CSRNP2: variants seen among roughly 807,000 people sequenced by gnomAD.
CSRNP2 encodes cysteine and serine rich nuclear protein 2.
In CSRNP2, 11 loss-of-function variants were observed where a neutral mutation model predicts 36.6. The observed-to-expected ratio is 0.30, with a 90% CI of 0.19 to 0.50. The LOEUF (loss-of-function observed/expected upper bound fraction) is 0.50. Among genes scored for constraint, CSRNP2 ranks in the 20% least tolerant of loss-of-function variants. The probability of loss-of-function intolerance (pLI) is 0.98; values close to 1 mark genes in which losing one functional copy is unlikely to be tolerated. For missense variants in CSRNP2, 483 were observed against 691.4 expected, an observed-to-expected ratio of 0.70 and a Z score of 3.38; for synonymous variants, 248 against 275.3, an observed-to-expected ratio of 0.90 and a Z score of 0.98.
chr12:51,078,805 A>T (rs903523444), intron 1 of CSRNP2, among the ~76,000 whole-genome samples: 1 of 152,208 alleles, frequency 6.6e-6, no homozygotes, highest in Admixed American at 6.5e-5. Context: ...ATTGTGGAAG[A>T]CAGTGTGGCG....
chr12:51,065,169 TG>T (rs1239523084), intron 4 of CSRNP2, among the ~76,000 whole-genome samples: 2 of 152,166 alleles, frequency 1.3e-5, no homozygotes, highest in East Asian at 1.9e-4. Flanking sequence ...AAATACATTC[TG>T]GGGAAACTAA....
chr12:51,075,707 C>G (rs1939368760), intron 2 of CSRNP2, among the ~76,000 whole-genome samples: 1 of 152,194 alleles, frequency 6.6e-6, no homozygotes, highest in Admixed American at 6.5e-5. Flanking sequence ...TGGGCAACCC[C>G]TCATATATAG....
At position 51,062,014 on chromosome 12, in the gene CSRNP2, T is replaced by G. The variant is rs182930844; in HGVS notation, c.*1732A>C. On this transcript the variant is annotated 3_prime_UTR_variant, in exon 5 of 5. Coordinates refer to ENST00000228515, the MANE Select transcript of CSRNP2 (RefSeq NM_030809.3). ...TGTGAGGCTAGGGGATGGGGAGAGATAAGGATCTGTGTACTTAAGTTCCCC... is the reference window on the plus strand; with the variant it reads ...TGTGAGGCTAGGGGATGGGGAGAGAGAAGGATCTGTGTACTTAAGTTCCCC... 5 of 152,214 alleles carry G rather than the reference T, an allele frequency of 3.3e-5. No individual in the cohort carries two copies. The highest frequency in any genetic ancestry group is 1.9e-4 in the East Asian group (1 of 5,178). 9.4% of individuals were successfully genotyped at this position (152,214 alleles called of 1,614,324 possible). A position where few individuals can be genotyped will look rare whatever the true frequency, so the allele number is the denominator to read the frequency against.
At chr12:51,073,752 TCAAC>T (rs1939283929) in intron 3 of CSRNP2, 67 bp downstream of exon 3, 1 of 1,374,672 alleles carries the variant, frequency 7.3e-7, no homozygotes, top group Non-Finnish European at 9.9e-7. Context: ...AAAAAATCAA[TCAAC>T]CAACCAACCA....
intron 3 of CSRNP2, among the ~76,000 whole-genome samples, chr12:51,069,287 C>CTTTTT (rs71089740): frequency 6.6e-5 from 8 of 121,300 alleles, no homozygotes; most frequent in Admixed American, 9.1e-5. Context: ...CTTCTCCTTT[C>CTTTTT]TTTTTTTTTT....
Position 51,064,349 on chromosome 12 carries a change from G to A in CSRNP2, c.1029C>T (p.Ser343=), listed in dbSNP as rs778428919. Residue 343 remains serine, a synonymous_variant, in exon 5 of 5, where the codon AGC becomes AGT. Transcript: ENST00000228515. Reference sequence around the variant, plus strand: ...TCGAGTCCAGGCTGGCACTAGAGCCGCTGGAATCTTCTTCTGCCTTGAGCC... The same window carrying A: ...TCGAGTCCAGGCTGGCACTAGAGCCACTGGAATCTTCTTCTGCCTTGAGCC... ...LERLKAEEDS[S]GSSASLDSSI... The A allele has an allele frequency of 3.1e-5, 50 of 1,614,022 alleles. No homozygotes were observed. The highest frequency in any genetic ancestry group is 1.1e-4 in the East Asian group (5 of 44,880).
At position 51,063,300 on chromosome 12, in the gene CSRNP2, G is replaced by A. The variant is rs1937760595; in HGVS notation, c.*446C>T. 6.5e-6 allele frequency: 1 copy of A among 152,754 alleles called. No homozygotes were observed. The highest frequency in any genetic ancestry group is 6.5e-5 in the Admixed American group (1 of 15,304). The allele number at this position is 152,754 out of a possible 1,614,324, so 9.5% of individuals were successfully genotyped here. A position where few individuals can be genotyped will look rare whatever the true frequency, so the allele number is the denominator to read the frequency against. On this transcript the variant is annotated 3_prime_UTR_variant, in exon 5 of 5. Coordinates refer to ENST00000228515, the MANE Select transcript of CSRNP2 (RefSeq NM_030809.3). ...CGACCAGGTGACTTTCCAGTTTGAA[G>A]TATTATGACACACCAAAATGGGATA...
At chr12:51,078,596 A>T (rs1234471895) in intron 1 of CSRNP2, among the ~76,000 whole-genome samples, 1 of 152,180 alleles carries the variant, frequency 6.6e-6, no homozygotes, top group African/African-American at 2.4e-5. Context: ...GAAGACATTT[A>T]TGCATCCAAC....
Position 51,063,986 on chromosome 12 carries a change from G to A in CSRNP2, c.1392C>T (p.Ser464=), listed in dbSNP as rs1402535546. The A allele has an allele frequency of 1.9e-6, 3 of 1,613,876 alleles. No individual in the cohort carries two copies. Among genetic ancestry groups the A allele is most frequent in the African/African-American group, 1.3e-5 (1 of 74,920 alleles). ...LPVTSLVACS[S]TDPAALCKSE... ...ATTTACAGAGGGCAGCTGGGTCTGT[G>A]GAGCTACAAGCCACGAGTGAGGTAA... Residue 464 remains serine, a synonymous_variant, in exon 5 of 5, where the codon TCC becomes TCT. Transcript: ENST00000228515.
rs1186503718 is a variant in CSRNP2, at chr12:51,061,226, T to C, written c.*2520A>G. On this transcript the variant is annotated 3_prime_UTR_variant, in exon 5 of 5. Transcript: ENST00000228515. ...ATCATTCTTTTGAATATTTCTTTAATATTACATTTAAATATTCTCTTTAAA... is the reference window on the plus strand; with the variant it reads ...ATCATTCTTTTGAATATTTCTTTAACATTACATTTAAATATTCTCTTTAAA... The C allele has an allele frequency of 6.6e-6, 1 of 152,556 alleles. No homozygotes were observed. The highest frequency in any genetic ancestry group is 2.4e-5 in the African/African-American group (1 of 41,450). The allele number at this position is 152,556 out of a possible 1,614,324, so 9.5% of individuals were successfully genotyped here.
Position 51,067,800 on chromosome 12 carries a change from C to T in CSRNP2, c.581G>A (p.Arg194His), listed in dbSNP as rs144820964. 19 of 1,614,110 alleles carry T rather than the reference C, an allele frequency of 1.2e-5. No homozygotes were observed. Among genetic ancestry groups the T allele is most frequent in the African/African-American group, 1.1e-4 (8 of 74,936 alleles). ...RALLRASGVH[R>H]IDAEEKQELR... ...TTCTTGCTTCTCTTCAGCATCAATA[C>T]GGTGGACCCCAGAAGCCCTCAGCAG... Residue 194 changes from arginine (R) to histidine (H), a missense_variant, in exon 4 of 5, where the codon CGT becomes CAT. By Grantham distance (29) the Arg-to-His change is conservative (BLOSUM62 0). This residue lies in a region of CSRNP2 where 206 missense variants were observed against 367.8 expected (regional missense o/e 0.56). Transcript: ENST00000228515. This position sits in a 1 kb window ranked among gnomAD's most constrained non-coding sequence, Gnocchi z 4.1.
intron 3 of CSRNP2, among the ~76,000 whole-genome samples, chr12:51,073,210 C>A (rs1328927864): frequency 6.6e-6 from 1 of 150,850 alleles, no homozygotes; most frequent in African/African-American, 2.4e-5. Flanking sequence ...CAGAGAGAGA[C>A]CCTGTCTCAA....
chr12:51,071,402 G>A (rs1939150406), intron 3 of CSRNP2, among the ~76,000 whole-genome samples: 1 of 149,932 alleles, frequency 6.7e-6, no homozygotes, highest in Admixed American at 6.7e-5. Flanking sequence ...GTGAGACCCT[G>A]TTTCAAGAGA....
intron 2 of CSRNP2, 56 bp from the exon 3 acceptor site, chr12:51,074,138 G>C: frequency 6.5e-7 from 1 of 1,540,680 alleles, no homozygotes; most frequent in South Asian, 1.2e-5. Flanking sequence ...TTTATTTAGA[G>C]ATGGAGTCTC....
chr12:51,063,867 G>A lies in CSRNP2; in HGVS notation c.1511C>T (p.Ser504Phe). ...CGTGCGGAAGGGGAGGCTTGAGGGG[G>A]ACCAGGAAGGGTGGAAGTCTTCATT... The part of the protein sequence containing the change: ...PENEDFHPSW[S>F]PSSLPFRTDN... The change falls in exon 5 of 5, where the codon TCC becomes TTC. Residue 504 changes from serine (S) to phenylalanine (F), a missense_variant. Transcript: ENST00000228515. The A allele has an allele frequency of 6.2e-7, 1 of 1,614,114 alleles. No individual in the cohort carries two copies. The highest frequency in any genetic ancestry group is 1.6e-4 in the Middle Eastern group (1 of 6,062).
At chr12:51,066,129 G>C (rs913099320) in intron 4 of CSRNP2, among the ~76,000 whole-genome samples, 1 of 152,052 alleles carries the variant, frequency 6.6e-6, no homozygotes, top group South Asian at 2.1e-4. Flanking sequence ...AGACCTGCCC[G>C]GCCAACATGA....
At chr12:51,071,878 A>G (rs535589242) in intron 3 of CSRNP2, among the ~76,000 whole-genome samples, 1 of 152,318 alleles carries the variant, frequency 6.6e-6, no homozygotes, top group East Asian at 1.9e-4. Context: ...GGCAGCTGGA[A>G]GGTGACAGGG....
At position 51,076,664 on chromosome 12, in the gene CSRNP2, A is replaced by G. The variant is rs965174888; in HGVS notation, c.-86-17T>C. On this transcript the variant is annotated splice_polypyrimidine_tract_variant and intron_variant, in intron 1 of 4. Coordinates refer to ENST00000228515, the MANE Select transcript of CSRNP2 (RefSeq NM_030809.3). ...ATTAGGATTCTGCCCAGGGAAAAAA[A>G]GGAATCAGCATTCCTGTCCCCAGAC... 2 of 1,341,282 alleles carry G rather than the reference A, an allele frequency of 1.5e-6. No homozygotes were observed. Among genetic ancestry groups the G allele is most frequent in the African/African-American group, 1.4e-5 (1 of 69,302 alleles). 83.1% of individuals were successfully genotyped at this position (1,341,282 alleles called of 1,614,324 possible).
In CSRNP2 at chr12:51,063,202, C is replaced by T. The variant is rs1353547099; in HGVS notation, c.*544G>A. On this transcript the variant is annotated 3_prime_UTR_variant, in exon 5 of 5. Transcript: ENST00000228515. ...TACCAAATATGGGATTGAAGGAAGG[C>T]AGGTTACATTTTTGTAAATCCTGGA... 6.6e-6 allele frequency: 1 copy of T among 152,114 alleles called. No individual in the cohort carries two copies. The highest frequency in any genetic ancestry group is 1.9e-4 in the East Asian group (1 of 5,190). The allele number at this position is 152,114 out of a possible 1,614,324, so 9.4% of individuals were successfully genotyped here.
Sources: gnomAD v4.1 joint callset for allele counts (sites outside exome capture counted in the v4.1 genomes callset) on GRCh38, gnomAD v4.1.1 for gene constraint, gnomAD v4.1.1 regional missense constraint, Gnocchi (gnomAD v3.1) non-coding constraint, MANE v1.5 for transcripts, NCBI Gene and HGNC (gene_info 2026-07-23, HGNC 2026-07-21) for gene names.